Variants in CPQ observed in about 807,000 individuals in gnomAD.
CPQ encodes Ser-Met dipeptidase.
CPQ carries 37 observed loss-of-function variants against 45.7 expected under a neutral mutation model. That is an observed-to-expected ratio of 0.81 (90% CI 0.62 to 1.07). CPQ has a LOEUF of 1.07. CPQ is among the 50% of genes least tolerant of loss of function. The pLI is 0.00. For synonymous variants in CPQ, 186 were observed against 205.8 expected, an observed-to-expected ratio of 0.90 and a Z score of 0.82; for missense variants, 537 against 572.9, an observed-to-expected ratio of 0.94 and a Z score of 0.64.
chr8:96,689,495 C>A lies in CPQ; in HGVS notation c.-35+44093C>A, dbSNP rs190108858. ...TTTGCCAGAGATTTATCATGCATTTCTTGATTGACTGAAGTTAATGCACTA... is the reference window on the plus strand; with the variant it reads ...TTTGCCAGAGATTTATCATGCATTTATTGATTGACTGAAGTTAATGCACTA... On this transcript the variant is annotated intron_variant, in intron 1 of 7. Transcript: ENST00000220763. 2.5e-3 allele frequency among the ~76,000 whole-genome samples: 386 copies of A among 152,226 alleles called. 4 individuals carry two copies. Among genetic ancestry groups the A allele is most frequent in the African/African-American group, 8.7e-3 (362 of 41,556 alleles).
chr8:96,694,570 A>C (rs2130739869), intron 1 of CPQ, among the ~76,000 whole-genome samples: 1 of 152,320 alleles, frequency 6.6e-6, no homozygotes, highest in Non-Finnish European at 1.5e-5. Context: ...AATTATGTCA[A>C]ATATCTTCTC....
chr8:96,831,910 A>G (rs1038166126), intron 2 of CPQ, among the ~76,000 whole-genome samples: 1 of 152,208 alleles, frequency 6.6e-6, no homozygotes, highest in African/African-American at 2.4e-5. Flanking sequence ...GACATTAAAA[A>G]TTCAGATTCT....
chr8:96,669,222 C>T lies in CPQ; in HGVS notation c.-35+23820C>T, dbSNP rs188098622. 3.0e-4 allele frequency among the ~76,000 whole-genome samples: 45 copies of T among 152,354 alleles called. 1 individual carries two copies. Among genetic ancestry groups the T allele is most frequent in the Admixed American group, 2.7e-3 (42 of 15,308 alleles). The stretch of plus-strand genomic sequence containing the variant: ...ACTTGTGGCCTAATTGACAATAATG[C>T]ACCTCTCCCTTGCCCTGCTGGCATG... On this transcript the variant is annotated intron_variant, in intron 1 of 7. Transcript: ENST00000220763.
At chr8:97,112,648 G>A (rs1811516897) in intron 7 of CPQ, among the ~76,000 whole-genome samples, 1 of 152,222 alleles carries the variant, frequency 6.6e-6, no homozygotes, top group African/African-American at 2.4e-5. Context: ...AGCTCACACA[G>A]GGGAATGAGG....
chr8:96,859,021 C>T (rs1019085586), intron 3 of CPQ, among the ~76,000 whole-genome samples: 18 of 152,150 alleles, frequency 1.2e-4, no homozygotes, highest in Non-Finnish European at 4.4e-5. Flanking sequence ...GTATTTCTAA[C>T]TCTTTGTATG....
At chr8:96,926,395 G>A (rs1472396524) in intron 4 of CPQ, among the ~76,000 whole-genome samples, 1 of 152,152 alleles carries the variant, frequency 6.6e-6, no homozygotes, top group Non-Finnish European at 1.5e-5. Flanking sequence ...TCTAACAAGT[G>A]TTTTAAATGT....
chr8:97,095,005 A>G (rs1439135788), intron 7 of CPQ, among the ~76,000 whole-genome samples: 3 of 152,038 alleles, frequency 2.0e-5, no homozygotes, highest in African/African-American at 7.2e-5. Context: ...CACCACTTAC[A>G]TCTTGAAACT....
At chr8:96,974,606 T>C (rs1018143722) in intron 5 of CPQ, among the ~76,000 whole-genome samples, 15 of 152,086 alleles carry the variant, frequency 9.9e-5, no homozygotes, top group African/African-American at 3.4e-4. Flanking sequence ...CTAGACCATA[T>C]GATAGGCCAC....
chr8:96,951,068 C>T (rs1301196509), intron 4 of CPQ, among the ~76,000 whole-genome samples: 1 of 152,112 alleles, frequency 6.6e-6, no homozygotes, highest in Non-Finnish European at 1.5e-5. Flanking sequence ...AGAGTTAAAA[C>T]AGATGAAATA....
At chr8:96,658,029 A>G (rs1399960436) in intron 1 of CPQ, among the ~76,000 whole-genome samples, 2 of 152,218 alleles carry the variant, frequency 1.3e-5, no homozygotes, top group East Asian at 1.9e-4. Flanking sequence ...CATTAATGCC[A>G]TATGTATTGT....
chr8:96,880,578 C>T (rs1024579194), intron 4 of CPQ, among the ~76,000 whole-genome samples: 16 of 93,000 alleles, frequency 1.7e-4, no homozygotes, highest in Non-Finnish European at 3.0e-4. Context: ...TATATATATA[C>T]CATGGAATAC....
At chr8:96,694,338 A>T (rs927664208) in intron 1 of CPQ, among the ~76,000 whole-genome samples, 3 of 135,852 alleles carry the variant, frequency 2.2e-5, no homozygotes, top group South Asian at 2.2e-4. Context: ...TGAATGGTTT[A>T]AAAAAAAAAA....
chr8:96,888,108 G>A (rs1301186946), intron 4 of CPQ, among the ~76,000 whole-genome samples: 1 of 152,148 alleles, frequency 6.6e-6, no homozygotes, highest in Non-Finnish European at 1.5e-5. Flanking sequence ...GGGGTGTTTA[G>A]CAACATTCTT....
At chr8:96,740,924 C>G (rs1320835609) in intron 1 of CPQ, among the ~76,000 whole-genome samples, 1 of 152,098 alleles carries the variant, frequency 6.6e-6, no homozygotes, top group Non-Finnish European at 1.5e-5. Flanking sequence ...CTAAAATTCT[C>G]TTTTTTGGTT....
intron 6 of CPQ, among the ~76,000 whole-genome samples, chr8:97,046,634 T>C (rs980253331): frequency 6.6e-6 from 1 of 152,196 alleles, no homozygotes; most frequent in Admixed American, 6.5e-5. Flanking sequence ...TTAATAAAAC[T>C]CATCCAATCA....
chr8:96,935,842 G>A (rs889779000), intron 4 of CPQ, among the ~76,000 whole-genome samples: 14 of 152,086 alleles, frequency 9.2e-5, no homozygotes, highest in African/African-American at 3.4e-4. Context: ...CAGGAACTCA[G>A]CCTGAGATGA....
chr8:97,081,242 G>A (rs1459898009), intron 7 of CPQ, among the ~76,000 whole-genome samples: 2 of 152,062 alleles, frequency 1.3e-5, no homozygotes, highest in Non-Finnish European at 2.9e-5. Context: ...TAAAGCCATT[G>A]TTTATTTAGA....
intron 4 of CPQ, among the ~76,000 whole-genome samples, chr8:96,947,085 A>G (rs879440221): frequency 6.6e-6 from 1 of 152,208 alleles, no homozygotes. Context: ...TGGCCAGCAC[A>G]CAGTGGTTTG....
intron 7 of CPQ, among the ~76,000 whole-genome samples, chr8:97,137,631 G>A (rs564334716): frequency 9.8e-5 from 15 of 152,294 alleles, no homozygotes; most frequent in Admixed American, 5.9e-4. Flanking sequence ...GTGAGTTCAT[G>A]GCATAAAGTA....
Sources: gnomAD v4.1 joint callset for allele counts (sites outside exome capture counted in the v4.1 genomes callset) on GRCh38, gnomAD v4.1.1 for gene constraint, MANE v1.5 for transcripts, NCBI Gene and HGNC (gene_info 2026-07-23, HGNC 2026-07-21) for gene names.